TCEA1: variants seen among roughly 807,000 people sequenced by gnomAD.
The protein encoded by TCEA1 is transcription elongation factor A1, also known as transcription elongation factor A protein 1.
In TCEA1, 21 loss-of-function variants were observed where a neutral mutation model predicts 43.8. The ratio of observed to expected loss-of-function variants is 0.48; its 90% CI spans 0.34 to 0.69. The LOEUF is 0.69. Ranked by LOEUF, TCEA1 falls within the 30% of genes least tolerant of loss-of-function variation. The pLI, the probability that TCEA1 is intolerant of heterozygous loss-of-function variation, is 0.01. For synonymous variants in TCEA1, 104 were observed against 117.5 expected, an observed-to-expected ratio of 0.88 and a Z score of 0.75; for missense variants, 250 against 365.1, an observed-to-expected ratio of 0.68 and a Z score of 2.57.
At chr8:54,011,144 T>C (rs1439651518) in intron 1 of TCEA1, among the ~76,000 whole-genome samples, 1 of 152,224 alleles carries the variant, frequency 6.6e-6, no homozygotes, top group African/African-American at 2.4e-5. Context: ...AGAATTATTT[T>C]AGAGTTGAAG....
intron 9 of TCEA1, among the ~76,000 whole-genome samples, chr8:53,968,468 A>G (rs1803057504): frequency 6.6e-6 from 1 of 152,210 alleles, no homozygotes; most frequent in Non-Finnish European, 1.5e-5. Context: ...TCTTAAATTC[A>G]ATTAAGTACT....
intron 1 of TCEA1, among the ~76,000 whole-genome samples, chr8:54,016,327 C>T (rs745469004): frequency 1.3e-5 from 2 of 151,976 alleles, no homozygotes; most frequent in Non-Finnish European, 2.9e-5. Context: ...ATACAATAGC[C>T]GGGCATGGTG....
chr8:53,996,871 G>A (rs1433801389), intron 3 of TCEA1, among the ~76,000 whole-genome samples: 2 of 149,332 alleles, frequency 1.3e-5, no homozygotes, highest in Admixed American at 1.3e-4. Flanking sequence ...TACACTAATG[G>A]ATAACTAGCT....
intron 1 of TCEA1, among the ~76,000 whole-genome samples, chr8:54,014,684 G>A (rs1804765300): frequency 1.3e-5 from 2 of 152,300 alleles, no homozygotes; most frequent in East Asian, 3.9e-4. Context: ...TATGTGCTCA[G>A]TATACTCAAG....
intron 2 of TCEA1, among the ~76,000 whole-genome samples, chr8:54,001,083 G>C (rs948300304): frequency 1.3e-5 from 2 of 152,130 alleles, no homozygotes; most frequent in Non-Finnish European, 2.9e-5. Context: ...ATCCAGGTTT[G>C]TTCACTGCCG....
chr8:54,006,861 A>G (rs534482875), intron 2 of TCEA1, among the ~76,000 whole-genome samples: 34 of 152,226 alleles, frequency 2.2e-4, no homozygotes, highest in Non-Finnish European at 3.8e-4. Flanking sequence ...TTTTTGATAC[A>G]GAGTCTTGCT....
intron 7 of TCEA1, among the ~76,000 whole-genome samples, chr8:53,981,185 C>T (rs1355378265): frequency 1.3e-5 from 2 of 152,188 alleles, no homozygotes; most frequent in African/African-American, 4.8e-5. Flanking sequence ...CAAGGTGAAG[C>T]AGCAAGTGCT....
At chr8:53,995,736 G>A (rs1008579460) in intron 3 of TCEA1, among the ~76,000 whole-genome samples, 5 of 152,174 alleles carry the variant, frequency 3.3e-5, no homozygotes, top group African/African-American at 9.7e-5. Context: ...GCAGTGAGGC[G>A]CAAGCATCAT....
Position 53,984,476 on chromosome 8 carries a change from T to G in TCEA1, c.565A>C (p.Asn189His). The G allele has an allele frequency of 1.3e-6, 2 of 1,599,696 alleles. No homozygotes were observed. The highest frequency in any genetic ancestry group is 8.5e-7 in the Non-Finnish European group (1 of 1,173,732). ...TTTGATATCCTACTTCGTACTCTAT[T>G]TTTGTATTTCATGTCTGTATTCCTT... ...EIRNTDMKYK[N>H]RVRSRISNLK... is the part of the protein sequence containing the mutation. The change falls in exon 7 of 10, where the codon AAT becomes CAT. Residue 189 changes from asparagine (N) to histidine (H), a missense_variant. Asn to His is a moderately conservative substitution (Grantham distance 68). This residue lies in a region of TCEA1 where 147 missense variants were observed against 160.3 expected (regional missense o/e 0.92). Coordinates refer to ENST00000521604, the MANE Select transcript of TCEA1 (RefSeq NM_006756.4).
chr8:54,001,330 C>G (rs544788786), intron 2 of TCEA1, among the ~76,000 whole-genome samples: 1 of 152,068 alleles, frequency 6.6e-6, no homozygotes, highest in South Asian at 2.1e-4. Flanking sequence ...GAAAAATATA[C>G]GGGTACTTGA....
At chr8:53,988,798 G>C (rs1042193937) in intron 4 of TCEA1, among the ~76,000 whole-genome samples, 2 of 152,202 alleles carry the variant, frequency 1.3e-5, no homozygotes, top group African/African-American at 4.8e-5. Context: ...TGGGCATGGT[G>C]GCTCACAGCT....
intron 7 of TCEA1, among the ~76,000 whole-genome samples, chr8:53,982,861 T>A (rs1172850803): frequency 6.6e-6 from 1 of 152,176 alleles, no homozygotes; most frequent in Non-Finnish European, 1.5e-5. Flanking sequence ...TATGTCAACT[T>A]AGTTGATAAG....
intron 6 of TCEA1, among the ~76,000 whole-genome samples, chr8:53,984,958 T>C (rs1291995843): frequency 6.6e-6 from 1 of 152,142 alleles, no homozygotes; most frequent in African/African-American, 2.4e-5. Context: ...AAAAACAAGG[T>C]ACTATATCTA....
At chr8:54,017,948 C>T (rs570461266) in intron 1 of TCEA1, among the ~76,000 whole-genome samples, 1 of 152,258 alleles carries the variant, frequency 6.6e-6, no homozygotes, top group African/African-American at 2.4e-5. Context: ...TACTTGACTG[C>T]ATGCGGGTAG....
chr8:53,984,365 C>G lies in TCEA1; in HGVS notation c.676G>C (p.Glu226Gln). Residue 226 changes from glutamate to glutamine, a missense_variant and splice_region_variant, in exon 7 of 10, where the codon GAG becomes CAG. This residue lies in a region of TCEA1 where 46 missense variants were observed against 109.8 expected (regional missense o/e 0.42). Coordinates refer to ENST00000521604, the MANE Select transcript of TCEA1 (RefSeq NM_006756.4). ...PPDLFARMTA[E>Q]EMASDELKEM... The stretch of plus-strand genomic sequence containing the variant: ...ACCTCAGATTCACACATACTCACCT[C>G]TGCTGTCATTCTAGCAAATAAGTCA... The G allele has an allele frequency of 1.9e-6, 3 of 1,598,096 alleles. No individual in the cohort carries two copies. Among genetic ancestry groups the G allele is most frequent in the Non-Finnish European group, 2.6e-6 (3 of 1,174,078 alleles).
chr8:54,019,349 C>A (rs1388425490), intron 1 of TCEA1, among the ~76,000 whole-genome samples: 1 of 152,082 alleles, frequency 6.6e-6, no homozygotes, highest in East Asian at 1.9e-4. Flanking sequence ...ACGGGCAGAT[C>A]ACCTGAGATC....
At chr8:53,968,403 G>C (rs537896663) in intron 9 of TCEA1, among the ~76,000 whole-genome samples, 76 of 151,040 alleles carry the variant, frequency 5.0e-4, no homozygotes, top group African/African-American at 1.8e-3. Context: ...TTCCAAAATT[G>C]AACTTCTAAA....
At chr8:54,015,808 T>C (rs1804802004) in intron 1 of TCEA1, among the ~76,000 whole-genome samples, 1 of 152,188 alleles carries the variant, frequency 6.6e-6, no homozygotes, top group Non-Finnish European at 1.5e-5. Flanking sequence ...ATCCAATTTG[T>C]ACTCCAGCCT....
At chr8:53,994,147 C>T (rs554359734) in intron 3 of TCEA1, among the ~76,000 whole-genome samples, 4 of 152,274 alleles carry the variant, frequency 2.6e-5, no homozygotes. Flanking sequence ...GAGTTTGAGA[C>T]CAGCCTGGGC....
Sources: gnomAD v4.1 joint callset for allele counts (sites outside exome capture counted in the v4.1 genomes callset) on GRCh38, gnomAD v4.1.1 for gene constraint, gnomAD v4.1.1 regional missense constraint, MANE v1.5 for transcripts, NCBI Gene and HGNC (gene_info 2026-07-23, HGNC 2026-07-21) for gene names.